SVOPL: variants seen among roughly 807,000 people sequenced by gnomAD.
SVOPL encodes SVOP like.
SVOPL carries 60 observed loss-of-function variants against 61.0 expected under a neutral mutation model. The ratio of observed to expected loss-of-function variants is 0.98; its 90% CI spans 0.80 to 1.22. SVOPL has a LOEUF of 1.22. Ranked by LOEUF, SVOPL falls within the 50% of genes most tolerant of loss-of-function variation. SVOPL has a pLI of 0.00. For missense variants in SVOPL, 662 were observed against 643.9 expected, an observed-to-expected ratio of 1.03 and a Z score of -0.30; for synonymous variants, 279 against 250.0, an observed-to-expected ratio of 1.12 and a Z score of -1.09.
At chr7:138,700,679 A>AGGAT (rs35740951) in intron 1 of SVOPL, among the ~76,000 whole-genome samples, 63,109 of 148,686 alleles carry the variant, frequency 0.42, 14,031 homozygotes, top group East Asian at 0.57. Flanking sequence ...ACCCAGTAAG[A>AGGAT]GGATGGATGG....
At chr7:138,615,760 A>C (rs1190337304) in intron 14 of SVOPL, among the ~76,000 whole-genome samples, 3 of 143,040 alleles carry the variant, frequency 2.1e-5, no homozygotes, top group African/African-American at 7.5e-5. Flanking sequence ...ACACCACTGC[A>C]CTCCAGCCTG....
At chr7:138,599,887 CAAA>C (rs11379417) in intron 14 of SVOPL, among the ~76,000 whole-genome samples, 14 of 108,926 alleles carry the variant, frequency 1.3e-4, no homozygotes, top group Non-Finnish European at 1.4e-4. Context: ...GACTCCGTCT[CAAA>C]AAAAAAAAAA....
intron 1 of SVOPL, among the ~76,000 whole-genome samples, chr7:138,682,733 C>G (rs565840933): frequency 2.4e-4 from 36 of 152,180 alleles, no homozygotes; most frequent in African/African-American, 8.2e-4. Flanking sequence ...CTTTGGGAAG[C>G]CAAGGTGGGT....
At chr7:138,660,402 A>C in intron 5 of SVOPL, 1 of 985,476 alleles carries the variant, frequency 1.0e-6, no homozygotes, top group Non-Finnish European at 1.2e-6. Context: ...TAAACAATAC[A>C]GAAGAAAAAA....
chr7:138,696,424 G>C (rs1444208795), intron 1 of SVOPL, among the ~76,000 whole-genome samples: 1 of 151,714 alleles, frequency 6.6e-6, no homozygotes, highest in African/African-American at 2.4e-5. Context: ...GTTTGTTGTT[G>C]TTGTTGTTGT....
At chr7:138,684,180 C>T (rs983364870) in intron 1 of SVOPL, among the ~76,000 whole-genome samples, 1 of 151,778 alleles carries the variant, frequency 6.6e-6, no homozygotes, top group African/African-American at 2.4e-5. Context: ...GCCTGGCCAA[C>T]ATGGTGAAAC....
At chr7:138,596,832 C>A in intron 14 of SVOPL, 1 of 1,110,582 alleles carries the variant, frequency 9.0e-7, no homozygotes, top group Non-Finnish European at 1.1e-6. Flanking sequence ...GGGGATCTGC[C>A]CGTTTCCCCA....
At chr7:138,613,496 C>A (rs1799147995) in intron 14 of SVOPL, among the ~76,000 whole-genome samples, 1 of 152,116 alleles carries the variant, frequency 6.6e-6, no homozygotes, top group Non-Finnish European at 1.5e-5. Flanking sequence ...ATTCCTGGAA[C>A]ACACTGATGT....
chr7:138,664,081 G>T, intron 4 of SVOPL: 1 of 428,410 alleles, frequency 2.3e-6, no homozygotes, highest in Non-Finnish European at 3.1e-6. Context: ...ACAGACTGCA[G>T]AGACAGAAAC....
chr7:138,681,863 G>A (rs1357429367), intron 1 of SVOPL, among the ~76,000 whole-genome samples: 2 of 152,026 alleles, frequency 1.3e-5, no homozygotes, highest in Non-Finnish European at 2.9e-5. Context: ...GCTCCCACTG[G>A]CCAAAGATGG....
chr7:138,600,596 T>C (rs1318101204), intron 14 of SVOPL, among the ~76,000 whole-genome samples: 2 of 150,748 alleles, frequency 1.3e-5, no homozygotes, highest in Non-Finnish European at 1.5e-5. Flanking sequence ...AGCGAGACAG[T>C]GTCTCAAAAG....
intron 7 of SVOPL, among the ~76,000 whole-genome samples, chr7:138,651,695 T>C (rs1048267783): frequency 1.3e-5 from 2 of 152,190 alleles, no homozygotes; most frequent in African/African-American, 4.8e-5. Context: ...TTATTTTCAT[T>C]GTTTGGGGGC....
Position 138,612,020 on chromosome 7 carries a change from C to T in SVOPL, c.1353+9026G>A, listed in dbSNP as rs541147585. On this transcript the variant is annotated intron_variant, in intron 14 of 15. Transcript: ENST00000674285. ...CCGGGTCTGTGTAGAAAGAGGTAGA[C>T]ATGGGAGACTTTTCATTTTGTTCTG... is the stretch of plus-strand genomic sequence containing the variant. Among the ~76,000 whole-genome samples the T allele has an allele frequency of 6.1e-3, 175 of 28,534 alleles. 24 individuals carry two copies. Among genetic ancestry groups the T allele is most frequent in the African/African-American group, 0.016 (173 of 10,818 alleles). 18.7% of individuals were successfully genotyped at this position (28,534 alleles called of 152,430 possible).
In SVOPL at chr7:138,678,464, AATGTGGAAACGC is replaced by A; in HGVS notation, c.132_143del (p.Arg45_Ile48del). The stretch of plus-strand genomic sequence containing the variant: ...TACTGCCCATGATCAGAAAGAGGGC[AATGTGGAAACGC>A]CCGAAGCCGATAGTCTCCACTGCAT... On this transcript the variant is annotated inframe_deletion, in exon 3 of 16. Coordinates refer to ENST00000674285, the MANE Select transcript of SVOPL (RefSeq NM_001139456.2). 1.3e-6 allele frequency: 2 copies of A among 1,551,984 alleles called. No individual in the cohort carries two copies. The highest frequency in any genetic ancestry group is 1.7e-6 in the Non-Finnish European group (2 of 1,147,044).
At chr7:138,689,262 G>T in intron 1 of SVOPL, 1 of 1,574,670 alleles carries the variant, frequency 6.4e-7, no homozygotes, top group Non-Finnish European at 8.6e-7. Flanking sequence ...GCTGCACATG[G>T]TTAAAAATGC....
In SVOPL at chr7:138,621,026, T is replaced by C; in HGVS notation, c.1353+20A>G. 1 of 1,610,202 alleles carries C rather than the reference T, an allele frequency of 6.2e-7. No individual in the cohort carries two copies. The highest frequency in any genetic ancestry group is 1.3e-5 in the African/African-American group (1 of 74,960). On this transcript the variant is annotated intron_variant, in intron 14 of 15. Coordinates refer to ENST00000674285, the MANE Select transcript of SVOPL (RefSeq NM_001139456.2). Reference sequence around the variant, plus strand: ...CCCTCTCTCAGACTCTCTCTCTCCCTGCAGGGTCCTTGGCTGTACCTGGGA... The same window carrying C: ...CCCTCTCTCAGACTCTCTCTCTCCCCGCAGGGTCCTTGGCTGTACCTGGGA...
At chr7:138,679,239 G>C (rs560412293) in intron 1 of SVOPL, among the ~76,000 whole-genome samples, 160 bp from the exon 2 acceptor site, 1 of 152,280 alleles carries the variant, frequency 6.6e-6, no homozygotes, top group South Asian at 2.1e-4. Flanking sequence ...CTGGAACCAA[G>C]CAGCTCAGTG....
intron 9 of SVOPL, among the ~76,000 whole-genome samples, chr7:138,631,412 A>T (rs1371685534): frequency 6.6e-6 from 1 of 152,150 alleles, no homozygotes; most frequent in Admixed American, 6.6e-5. Context: ...TTTTGCTATC[A>T]AATAGTAAGT....
At chr7:138,608,746 G>A (rs1201033364) in intron 14 of SVOPL, among the ~76,000 whole-genome samples, 1 of 152,130 alleles carries the variant, frequency 6.6e-6, no homozygotes, top group Non-Finnish European at 1.5e-5. Context: ...GAAGAAAAGA[G>A]GTGTGTGTTT....
Sources: allele counts gnomAD v4.1 joint callset (sites outside exome capture counted in the v4.1 genomes callset), GRCh38; gene constraint gnomAD v4.1.1; transcripts MANE v1.5; gene names NCBI Gene and HGNC (gene_info 2026-07-23, HGNC 2026-07-21).